OR6T1: variants seen among roughly 807,000 people sequenced by gnomAD.
The protein encoded by OR6T1 is olfactory receptor 6T1.
For missense variants in OR6T1, 389 were observed against 390.5 expected (o/e 1.00, Z 0.03); for synonymous variants, 179 against 159.1 (o/e 1.13, Z -0.94).
chr11:123,943,253 T>C lies in OR6T1; in HGVS notation c.586A>G (p.Lys196Glu). ...RLSCGDTHLL[K>E]LVAFMLSTLV... ...GTAGAGAGCATGAAAGCCACCAGTT[T>C]CAGCAGGTGGGTGTCCCCACAAGAA... Residue 196 changes from lysine to glutamate, a missense_variant, in exon 1 of 1, where the codon AAA (lysine) becomes GAA (glutamate). Lys to Glu is a moderately conservative substitution (Grantham distance 56). Transcript: ENST00000321252. 1 of 1,614,154 alleles carries C rather than the reference T, an allele frequency of 6.2e-7. No individual in the cohort carries two copies. The highest frequency in any genetic ancestry group is 8.5e-7 in the Non-Finnish European group (1 of 1,180,024).
rs778693019 is a variant in OR6T1 at position 123,943,608 on chromosome 11, C to A, written c.231G>T (p.Val77=). The change falls in exon 1 of 1, where the codon GTG becomes GTT. Residue 77 remains valine (V), a synonymous_variant. Coordinates refer to ENST00000321252, the MANE Select transcript of OR6T1 (RefSeq NM_001005187.1). The part of the protein sequence containing the change: ...SFLELLLVTV[V]VPKMLVVILT... The stretch of plus-strand genomic sequence containing the variant: ...GGATGACGACAAGCATCTTGGGAAC[C>A]ACAACAGTTACCAGCAACAGCTCCA... 1 of 1,614,188 alleles carries A rather than the reference C, an allele frequency of 6.2e-7. No homozygotes were observed. Among genetic ancestry groups the A allele is most frequent in the Non-Finnish European group, 8.5e-7 (1 of 1,180,034 alleles).
chr11:123,942,974 T>C lies in OR6T1; in HGVS notation c.865A>G (p.Ile289Val), dbSNP rs769547426. ...CIITPLLNPF[I>V]FTLRNDKVQQ... ...ACCTTGTCATTGCGGAGAGTGAAGA[T>C]GAATGGGTTCAAGAGGGGTGTGATG... The change falls in exon 1 of 1, where the codon ATC (isoleucine) becomes GTC (valine). Residue 289 changes from isoleucine to valine, a missense_variant. Physicochemically the swap from Ile to Val is conservative, Grantham distance 29. Coordinates refer to ENST00000321252, the MANE Select transcript of OR6T1 (RefSeq NM_001005187.1). The C allele has an allele frequency of 1.9e-6, 3 of 1,614,020 alleles. No individual in the cohort carries two copies. The Admixed American group carries it at 5.0e-5, about 27-fold the overall frequency.
rs551698947 is a variant in OR6T1, at chr11:123,942,959, T to C, written c.880A>G (p.Asn294Asp). The change falls in exon 1 of 1, where the codon AAT becomes GAT. Residue 294 changes from asparagine (N) to aspartate (D), a missense_variant. Coordinates refer to ENST00000321252, the MANE Select transcript of OR6T1 (RefSeq NM_001005187.1). ...LLNPFIFTLR[N>D]DKVQQALREA... ...CTCAGTGCTTGCTGCACCTTGTCAT[T>C]GCGGAGAGTGAAGATGAATGGGTTC... The C allele has an allele frequency of 9.3e-6, 15 of 1,614,052 alleles. No homozygotes were observed. Among genetic ancestry groups the C allele is most frequent in the African/African-American group, 5.3e-5 (4 of 74,994 alleles).
rs762711758 is a variant in OR6T1, at chr11:123,943,424, G to A, written c.415C>T (p.His139Tyr). The part of the protein sequence containing the change: ...PLRYETLMNG[H>Y]VCSQLVLASW... The stretch of plus-strand genomic sequence containing the variant: ...GCCAGCACTAGTTGGGAACAGACAT[G>A]GCCATTCATCAGGGTCTCATAGCGG... The change falls in exon 1 of 1, where the codon CAT becomes TAT. Residue 139 changes from histidine to tyrosine, a missense_variant. Coordinates refer to ENST00000321252, the MANE Select transcript of OR6T1 (RefSeq NM_001005187.1). 3.1e-6 allele frequency: 5 copies of A among 1,614,152 alleles called. 1 individual carries two copies. The highest frequency in any genetic ancestry group is 4.2e-6 in the Non-Finnish European group (5 of 1,180,034).
Position 123,943,559 on chromosome 11 carries a change from A to G in OR6T1, c.280T>C (p.Phe94Leu). Residue 94 changes from phenylalanine to leucine, a missense_variant, in exon 1 of 1, where the codon TTT becomes CTT. Transcript: ENST00000321252. ...VILTGDHTIS[F>L]VSCIIQSYLY... ...TAGGACTGGATGATGCAGCTGACAA[A>G]TGAGATGGTGTGATCCCCCGTGAGG... The G allele has an allele frequency of 6.2e-7, 1 of 1,614,224 alleles. No individual in the cohort carries two copies. The highest frequency in any genetic ancestry group is 8.5e-7 in the Non-Finnish European group (1 of 1,180,046).
rs752363476 is a variant in OR6T1, at chr11:123,943,103, T to C, written c.736A>G (p.Thr246Ala). 2 of 1,614,130 alleles carry C rather than the reference T, an allele frequency of 1.2e-6. No homozygotes were observed. The highest frequency in any genetic ancestry group is 3.3e-5 in the Admixed American group (2 of 60,022). The change falls in exon 1 of 1, where the codon ACA becomes GCA. Residue 246 changes from threonine (T) to alanine (A), a missense_variant. Physicochemically the swap from Thr to Ala is moderately conservative, Grantham distance 58 (BLOSUM62 0). Transcript: ENST00000321252. ...CTGCCATAGATGATGACCACCACTG[T>C]AAGATGCGAGGCGCAAGTGGAAAAC... Reference protein sequence around the residue: ...KAFSTCASHLTVVVIIYGSSI... With the variant: ...KAFSTCASHLAVVVIIYGSSI...
rs1202186919 is a variant in OR6T1 at position 123,943,581 on chromosome 11, G to A, written c.258C>T (p.Leu86=). ...CAAATGAGATGGTGTGATCCCCCGT[G>A]AGGATGACGACAAGCATCTTGGGAA... is the stretch of plus-strand genomic sequence containing the variant. The part of the protein sequence containing the change: ...VVVPKMLVVI[L]TGDHTISFVS... Residue 86 remains leucine, a synonymous_variant, in exon 1 of 1, where the codon CTC becomes CTT. Transcript: ENST00000321252. 5 of 1,614,100 alleles carry A rather than the reference G, an allele frequency of 3.1e-6. No individual in the cohort carries two copies. The African/African-American group carries it at 4.0e-5, about 13-fold the overall frequency.
In OR6T1 at chr11:123,943,495, A is replaced by G; in HGVS notation, c.344T>C (p.Leu115Ser). Residue 115 changes from leucine (L) to serine (S), a missense_variant, in exon 1 of 1, where the codon TTG (leucine) becomes TCG (serine). Physicochemically the swap from Leu to Ser is moderately radical, Grantham distance 145 (BLOSUM62 -2). Transcript: ENST00000321252. ...FFLGTTDFFL[L>S]AVMSLDRYLA... Reference sequence around the variant, plus strand: ...GTAACGATCCAGAGACATGACGGCCAAGAGGAAGAAGTCAGTGGTGCCTAG... The same window carrying G: ...GTAACGATCCAGAGACATGACGGCCGAGAGGAAGAAGTCAGTGGTGCCTAG... 1 of 1,614,166 alleles carries G rather than the reference A, an allele frequency of 6.2e-7. No individual in the cohort carries two copies. The highest frequency in any genetic ancestry group is 8.5e-7 in the Non-Finnish European group (1 of 1,180,032).
rs1863479252 is a variant in OR6T1, at chr11:123,942,969, G to A, written c.870C>T (p.Phe290=). 6.2e-7 allele frequency: 1 copy of A among 1,614,178 alleles called. No homozygotes were observed. The highest frequency in any genetic ancestry group is 8.5e-7 in the Non-Finnish European group (1 of 1,180,026). Reference sequence around the variant, plus strand: ...GCTGCACCTTGTCATTGCGGAGAGTGAAGATGAATGGGTTCAAGAGGGGTG... The same window carrying A: ...GCTGCACCTTGTCATTGCGGAGAGTAAAGATGAATGGGTTCAAGAGGGGTG... ...IITPLLNPFI[F]TLRNDKVQQA... The change falls in exon 1 of 1, where the codon TTC becomes TTT. Residue 290 remains phenylalanine (F), a synonymous_variant. Transcript: ENST00000321252.
chr11:123,943,796 G>A lies in OR6T1; in HGVS notation c.43C>T (p.Leu15=). ...ATGAGGTGGCTACTGGGGAAACCCA[G>A]AAGGACAAAGCTTGTTACCTGAGTC... is the stretch of plus-strand genomic sequence containing the variant. ...NWTQVTSFVL[L]GFPSSHLIQF... Residue 15 remains leucine, a synonymous_variant, in exon 1 of 1, where the codon CTG becomes TTG. Transcript: ENST00000321252. The A allele has an allele frequency of 6.2e-7, 1 of 1,613,978 alleles. No homozygotes were observed. Among genetic ancestry groups the A allele is most frequent in the South Asian group, 1.1e-5 (1 of 91,040 alleles).
chr11:123,943,237 A>G lies in OR6T1; in HGVS notation c.602T>C (p.Met201Thr). 1.2e-6 allele frequency: 2 copies of G among 1,614,208 alleles called. No homozygotes were observed. The highest frequency in any genetic ancestry group is 1.7e-6 in the Non-Finnish European group (2 of 1,180,030). Reference protein sequence around the residue: ...DTHLLKLVAFMLSTLVLLGSL... With the variant: ...DTHLLKLVAFTLSTLVLLGSL... ...GCCCAGTAACACCAACGTAGAGAGC[A>G]TGAAAGCCACCAGTTTCAGCAGGTG... is the stretch of plus-strand genomic sequence containing the variant. Residue 201 changes from methionine (M) to threonine (T), a missense_variant, in exon 1 of 1, where the codon ATG (methionine) becomes ACG (threonine). Met to Thr is a moderately conservative substitution (Grantham distance 81, BLOSUM62 -1). Transcript: ENST00000321252.
the OR6T1 span, chr11:123,943,734 G>T: frequency 6.2e-6 from 10 of 1,614,070 alleles, no homozygotes; most frequent in Admixed American, 1.7e-5. Context: ...CTGTTACAAT[G>T]TAGGTCACCA....
chr11:123,942,930 TTC>T, the OR6T1 span: 6 of 1,614,196 alleles, frequency 3.7e-6, no homozygotes, highest in South Asian at 6.6e-5. Context: ...ACCCCAAGGC[TTC>T]TCTCAGTGCT....
rs763652083 is a variant in OR6T1, at chr11:123,943,226, A to G, written c.613T>C (p.Leu205=). The G allele has an allele frequency of 5.0e-6, 8 of 1,614,082 alleles. No individual in the cohort carries two copies. In the African/African-American group the frequency reaches 6.7e-5, roughly 13 times the overall value. ...LKLVAFMLST[L]VLLGSLALTS... Reference sequence around the variant, plus strand: ...AGAGCCAGTGAGCCCAGTAACACCAACGTAGAGAGCATGAAAGCCACCAGT... The same window carrying G: ...AGAGCCAGTGAGCCCAGTAACACCAGCGTAGAGAGCATGAAAGCCACCAGT... The change falls in exon 1 of 1, where the codon TTG becomes CTG. Residue 205 remains leucine (L), a synonymous_variant. Coordinates refer to ENST00000321252, the MANE Select transcript of OR6T1 (RefSeq NM_001005187.1).
rs539085460 is a variant in OR6T1 at position 123,943,057 on chromosome 11, C to T, written c.782G>A (p.Arg261His). Residue 261 changes from arginine to histidine, a missense_variant, in exon 1 of 1, where the codon CGT becomes CAT. Arg to His is a conservative substitution (Grantham distance 29, BLOSUM62 0). Coordinates refer to ENST00000321252, the MANE Select transcript of OR6T1 (RefSeq NM_001005187.1). Reference protein sequence around the residue: ...IYGSSIFLYIRMSEAQSKLLN... With the variant: ...IYGSSIFLYIHMSEAQSKLLN... ...CAGTTTGGACTGAGCCTCTGACATA[C>T]GAATGTAGAGAAAGATGGAACTGCC... 59 of 1,614,018 alleles carry T rather than the reference C, an allele frequency of 3.7e-5. No individual in the cohort carries two copies. In the East Asian group the frequency reaches 4.2e-4, roughly 12 times the overall value.
At position 123,943,750 on chromosome 11, in the gene OR6T1, C is replaced by A; in HGVS notation, c.89G>T (p.Gly30Val). 6.2e-7 allele frequency: 1 copy of A among 1,614,094 alleles called. No individual in the cohort carries two copies. Reference sequence around the variant, plus strand: ...TGTTACAATGTAGGTCACCATTAACCCCAGGAACACCAGGAACTGTATGAG... The same window carrying A: ...TGTTACAATGTAGGTCACCATTAACACCAGGAACACCAGGAACTGTATGAG... The part of the protein sequence containing the change: ...SHLIQFLVFL[G>V]LMVTYIVTAT... The change falls in exon 1 of 1, where the codon GGG (glycine) becomes GTG (valine). Residue 30 changes from glycine (G) to valine (V), a missense_variant. Physicochemically the swap from Gly to Val is moderately radical, Grantham distance 109. Transcript: ENST00000321252.
chr11:123,943,108 T>C lies in OR6T1; in HGVS notation c.731A>G (p.His244Arg). 3 of 1,614,216 alleles carry C rather than the reference T, an allele frequency of 1.9e-6. No individual in the cohort carries two copies. Among genetic ancestry groups the C allele is most frequent in the Non-Finnish European group, 1.7e-6 (2 of 1,180,030 alleles). The change falls in exon 1 of 1, where the codon CAT becomes CGT. Residue 244 changes from histidine (H) to arginine (R), a missense_variant. Transcript: ENST00000321252. ...RRKAFSTCAS[H>R]LTVVVIIYGS... is the part of the protein sequence containing the mutation. ...ATAGATGATGACCACCACTGTAAGA[T>C]GCGAGGCGCAAGTGGAAAACGCTTT... is the stretch of plus-strand genomic sequence containing the variant.
chr11:123,943,484 A>G lies in OR6T1; in HGVS notation c.355T>C (p.Ser119Pro). 2 of 1,614,118 alleles carry G rather than the reference A, an allele frequency of 1.2e-6. No individual in the cohort carries two copies. The highest frequency in any genetic ancestry group is 1.7e-6 in the Non-Finnish European group (2 of 1,180,024). ...CAGATTGCCAGGTAACGATCCAGAG[A>G]CATGACGGCCAAGAGGAAGAAGTCA... ...TTDFFLLAVM[S>P]LDRYLAICRP... The change falls in exon 1 of 1, where the codon TCT becomes CCT. Residue 119 changes from serine to proline, a missense_variant. Coordinates refer to ENST00000321252, the MANE Select transcript of OR6T1 (RefSeq NM_001005187.1).
Position 123,942,942 on chromosome 11 carries a change from T to A in OR6T1, c.897A>T (p.Gln299His). The change falls in exon 1 of 1, where the codon CAA (glutamine) becomes CAT (histidine). Residue 299 changes from glutamine (Q) to histidine (H), a missense_variant. Physicochemically the swap from Gln to His is conservative, Grantham distance 24. Transcript: ENST00000321252. ...IFTLRNDKVQ[Q>H]ALREALGWPR... ...GCCACCCCAAGGCTTCTCTCAGTGC[T>A]TGCTGCACCTTGTCATTGCGGAGAG... is the stretch of plus-strand genomic sequence containing the variant. 1 of 1,614,196 alleles carries A rather than the reference T, an allele frequency of 6.2e-7. No individual in the cohort carries two copies. Among genetic ancestry groups the A allele is most frequent in the Non-Finnish European group, 8.5e-7 (1 of 1,180,024 alleles).
Sources: allele counts gnomAD v4.1 joint callset, GRCh38; gene constraint gnomAD v4.1.1; transcripts MANE v1.5; gene names NCBI Gene and HGNC (gene_info 2026-07-23, HGNC 2026-07-21).